Variants in IWS1 observed in about 807,000 individuals in gnomAD.
IWS1 encodes the protein interacts with SUPT6H, CTD assembly factor 1.
IWS1 carries 27 observed loss-of-function variants against 86.7 expected under a neutral mutation model. The ratio of observed to expected loss-of-function variants is 0.31; its 90% CI spans 0.23 to 0.43. The LOEUF (loss-of-function observed/expected upper bound fraction) is 0.43. Ranked by LOEUF, IWS1 falls within the 20% of genes least tolerant of loss-of-function variation. The probability of loss-of-function intolerance (pLI) is 1.00; values close to 1 mark genes in which losing one functional copy is unlikely to be tolerated. For missense variants in IWS1, 827 were observed against 1,000.8 expected (o/e 0.83, Z 2.34); for synonymous variants, 313 against 335.1 (o/e 0.93, Z 0.72).
At chr2:127,516,802 A>G (rs1308190463) in intron 2 of IWS1, among the ~76,000 whole-genome samples, 1 of 152,190 alleles carries the variant, frequency 6.6e-6, no homozygotes, top group Non-Finnish European at 1.5e-5. Flanking sequence ...TTTTAAAAAC[A>G]AAACAAAACC....
intron 9 of IWS1, 90 bp downstream of exon 9, chr2:127,493,191 C>T (rs1573515153): frequency 8.6e-7 from 1 of 1,166,656 alleles, no homozygotes; most frequent in East Asian, 2.8e-5. Flanking sequence ...GCAGAGATAA[C>T]ATATAAAAAC....
chr2:127,526,664 C>T, upstream of IWS1: 9 of 1,319,632 alleles, frequency 6.8e-6, no homozygotes, highest in Non-Finnish European at 8.0e-6. Flanking sequence ...GGTCTGACCC[C>T]CGTGGTAATA....
At position 127,526,253 on chromosome 2, in the gene IWS1, C is replaced by T; in HGVS notation, c.-45G>A. On this transcript the variant is annotated 5_prime_UTR_variant, in exon 1 of 14. Transcript: ENST00000295321. Reference sequence around the variant, plus strand: ...GGGAGTGTCCGCGCCCCGCGCCGCCCCCGTCACCTCCTTCCAGGCGGTGTG... The same window carrying T: ...GGGAGTGTCCGCGCCCCGCGCCGCCTCCGTCACCTCCTTCCAGGCGGTGTG... 6.5e-7 allele frequency: 1 copy of T among 1,549,566 alleles called. No individual in the cohort carries two copies. The highest frequency in any genetic ancestry group is 8.7e-7 in the Non-Finnish European group (1 of 1,147,966).
At chr2:127,523,399 A>AT (rs1573575441) in intron 2 of IWS1, among the ~76,000 whole-genome samples, 1 of 152,144 alleles carries the variant, frequency 6.6e-6, no homozygotes, top group East Asian at 1.9e-4. Context: ...ACTTAGTCAA[A>AT]TATCAAAGGC....
At chr2:127,502,236 G>A (rs1056058295) in intron 5 of IWS1, among the ~76,000 whole-genome samples, 2 of 152,134 alleles carry the variant, frequency 1.3e-5, no homozygotes, top group Non-Finnish European at 2.9e-5. Flanking sequence ...TCAATCCAGG[G>A]TATGGGGTTT....
At chr2:127,498,039 A>C (rs1690607622) in intron 6 of IWS1, 101 bp downstream of exon 6, 5 of 899,852 alleles carry the variant, frequency 5.6e-6, no homozygotes, top group Non-Finnish European at 8.7e-6. Context: ...ACCCACTCCT[A>C]AACTTAATCA....
At chr2:127,522,469 AAACCTAAG>A (rs1692150380) in intron 2 of IWS1, among the ~76,000 whole-genome samples, 1 of 152,238 alleles carries the variant, frequency 6.6e-6, no homozygotes, top group Non-Finnish European at 1.5e-5. Flanking sequence ...CTGGAAAAAC[AAACCTAAG>A]AAGAGAAGGA....
At chr2:127,492,996 T>C (rs6707425) in intron 9 of IWS1, 22,890 of 212,448 alleles carry the variant, frequency 0.11, 2,071 homozygotes, top group African/African-American at 0.25. Context: ...TTGGTGTTCA[T>C]TCTGCGTCAC....
At chr2:127,490,060 A>G in intron 10 of IWS1, 117 bp from the exon 11 acceptor site, 5 of 686,238 alleles carry the variant, frequency 7.3e-6, no homozygotes, top group Non-Finnish European at 1.3e-5. Flanking sequence ...CTTTCCTTGA[A>G]GAGTCCATTA....
chr2:127,486,687 C>T lies in IWS1; in HGVS notation c.2217-23G>A, dbSNP rs758396881. 2.5e-6 allele frequency: 4 copies of T among 1,584,862 alleles called. No homozygotes were observed. In the South Asian group the frequency reaches 3.3e-5, roughly 13 times the overall value. On this transcript the variant is annotated intron_variant, in intron 12 of 13. Coordinates refer to ENST00000295321, the MANE Select transcript of IWS1 (RefSeq NM_017969.3). Reference sequence around the variant, plus strand: ...GCCCTGAAAAAGGGAAGAGGAAGAGCATGCTTCTTATGTGGCCAGCCACAG... The same window carrying T: ...GCCCTGAAAAAGGGAAGAGGAAGAGTATGCTTCTTATGTGGCCAGCCACAG...
intron 2 of IWS1, among the ~76,000 whole-genome samples, chr2:127,520,279 C>A (rs1370329170): frequency 3.3e-5 from 5 of 152,170 alleles, no homozygotes; most frequent in African/African-American, 4.8e-5. Flanking sequence ...AGAGATTCTC[C>A]TGCCTCAGCC....
intron 2 of IWS1, among the ~76,000 whole-genome samples, chr2:127,513,565 A>G (rs1246795927): frequency 2.0e-5 from 3 of 152,228 alleles, no homozygotes; most frequent in Admixed American, 6.5e-5. Context: ...AACAGAAAAA[A>G]AAACAGCTAG....
intron 10 of IWS1, among the ~76,000 whole-genome samples, chr2:127,490,565 T>C (rs780112818): frequency 3.4e-4 from 51 of 152,088 alleles, no homozygotes; most frequent in Non-Finnish European, 4.0e-4. Context: ...TAATACACTA[T>C]AAAAACAAGA....
intron 5 of IWS1, among the ~76,000 whole-genome samples, chr2:127,500,003 A>C (rs1019033216): frequency 1.3e-5 from 2 of 152,214 alleles, no homozygotes; most frequent in Non-Finnish European, 2.9e-5. Context: ...AAGACTGAAT[A>C]ATCAAGCTTC....
chr2:127,497,494 C>T (rs762297500), intron 6 of IWS1, among the ~76,000 whole-genome samples: 2 of 152,156 alleles, frequency 1.3e-5, no homozygotes, highest in Admixed American at 6.5e-5. Flanking sequence ...TGCTAAGCGC[C>T]TCAAACCTTT....
intron 9 of IWS1, 77 bp downstream of exon 9, chr2:127,493,204 T>C: frequency 7.7e-7 from 1 of 1,306,120 alleles, no homozygotes; most frequent in Non-Finnish European, 1.0e-6. Context: ...ATAAAAACAC[T>C]GTAAACTACA....
rs2104756144 is a variant in IWS1, at chr2:127,526,155, C to T, written c.34+20G>A. The stretch of plus-strand genomic sequence containing the variant: ...TAACTGCTCCGCCTCCCAGCCCGGT[C>T]CCCCAGGTCCCTGCCCCACCTGACT... On this transcript the variant is annotated intron_variant, in intron 1 of 13. Transcript: ENST00000295321. 2 of 1,592,344 alleles carry T rather than the reference C, an allele frequency of 1.3e-6. No individual in the cohort carries two copies. Among genetic ancestry groups the T allele is most frequent in the Non-Finnish European group, 1.7e-6 (2 of 1,169,016 alleles).
intron 10 of IWS1, among the ~76,000 whole-genome samples, chr2:127,490,377 G>A (rs1690161452): frequency 6.6e-6 from 1 of 152,068 alleles, no homozygotes; most frequent in South Asian, 2.1e-4. Context: ...TTACAAAATG[G>A]TCTGTACCTT....
In IWS1 at chr2:127,519,864, A is replaced by T. The variant is rs1026242087; in HGVS notation, c.150+3812T>A. On this transcript the variant is annotated intron_variant, in intron 2 of 13. Coordinates refer to ENST00000295321, the MANE Select transcript of IWS1 (RefSeq NM_017969.3). The stretch of plus-strand genomic sequence containing the variant: ...TGATGACAGAAACAAGAGGTCAGAA[A>T]ATGAGTTGTGAAGATGCTATGCTGC... Among the ~76,000 whole-genome samples the T allele has an allele frequency of 1.8e-4, 28 of 152,294 alleles. 2 individuals carry two copies. The highest frequency in any genetic ancestry group is 1.3e-3 in the East Asian group (7 of 5,186).
Sources: gnomAD v4.1 joint callset for allele counts (sites outside exome capture counted in the v4.1 genomes callset) on GRCh38, gnomAD v4.1.1 for gene constraint, MANE v1.5 for transcripts, NCBI Gene and HGNC (gene_info 2026-07-23, HGNC 2026-07-21) for gene names.